The following AUH variants were observed in gnomAD, a reference collection of about 807,000 sequenced individuals.
The protein encoded by AUH is AU RNA binding methylglutaconyl-CoA hydratase, also known as methylglutaconyl-CoA hydratase, mitochondrial.
AUH carries 29 observed loss-of-function variants against 42.3 expected under a neutral mutation model. The observed-to-expected ratio is 0.69, with a 90% CI of 0.51 to 0.93. AUH has a LOEUF of 0.93. AUH is among the 40% of genes least tolerant of loss of function. The pLI is 0.00. For synonymous variants in AUH, 174 were observed against 166.4 expected (o/e 1.05, Z -0.35); for missense variants, 452 against 438.1 (o/e 1.03, Z -0.28).
At chr9:91,224,418 C>T (rs1827316590) in intron 6 of AUH, among the ~76,000 whole-genome samples, 1 of 152,162 alleles carries the variant, frequency 6.6e-6, no homozygotes, top group Non-Finnish European at 1.5e-5. Context: ...TGCCTTTTCA[C>T]TCTGTTGATA....
chr9:91,351,561 T>C (rs1004780095), intron 3 of AUH, among the ~76,000 whole-genome samples: 6 of 152,218 alleles, frequency 3.9e-5, no homozygotes, highest in African/African-American at 1.4e-4. Context: ...CTAGATGGTA[T>C]AGGCCAGGGG....
At position 91,296,092 on chromosome 9, in the gene AUH, A is replaced by G; in HGVS notation, c.599-15T>C. 2 of 1,613,314 alleles carry G rather than the reference A, an allele frequency of 1.2e-6. No individual in the cohort carries two copies. On this transcript the variant is annotated splice_polypyrimidine_tract_variant and intron_variant, in intron 5 of 9. Transcript: ENST00000375731. ...TGCAGAGGAAGCTAAAACGAAAGAA[A>G]GAAAATTAAGTATCATCCATATCAT... is the stretch of plus-strand genomic sequence containing the variant.
intron 4 of AUH, among the ~76,000 whole-genome samples, chr9:91,299,311 T>TC (rs1827599894): frequency 6.6e-6 from 1 of 152,192 alleles, no homozygotes; most frequent in South Asian, 2.1e-4. Flanking sequence ...AGAGGCTCAC[T>TC]CCTTGACTCC....
chr9:91,308,791 CTTTT>C (rs201772761), intron 4 of AUH, among the ~76,000 whole-genome samples: 104 of 136,384 alleles, frequency 7.6e-4, no homozygotes, highest in African/African-American at 2.6e-3. Flanking sequence ...TTAAGCAATT[CTTTT>C]TTTTTTTTTT....
intron 4 of AUH, among the ~76,000 whole-genome samples, chr9:91,318,684 C>A (rs997752091): frequency 3.3e-5 from 5 of 152,176 alleles, no homozygotes; most frequent in Non-Finnish European, 7.4e-5. Flanking sequence ...ATGGTTGGGC[C>A]CAAGATGGTG....
chr9:91,298,150 TTC>T (rs1191602369), intron 4 of AUH, 74 bp from the exon 5 acceptor site: 31 of 1,224,762 alleles, frequency 2.5e-5, no homozygotes, highest in Non-Finnish European at 3.7e-5. Flanking sequence ...TTTAATTTTT[TTC>T]TGTGAATTTA....
In AUH at chr9:91,290,035, T is replaced by C. The variant is rs927925699; in HGVS notation, c.655+5986A>G. ...CTGATTTTCATTTACATTAAAAAATTCAAAGCTACATAACATTTTATGAGC... is the reference window on the plus strand; with the variant it reads ...CTGATTTTCATTTACATTAAAAAATCCAAAGCTACATAACATTTTATGAGC... On this transcript the variant is annotated intron_variant, in intron 6 of 9. Transcript: ENST00000375731. Among the ~76,000 whole-genome samples, 5 of 152,150 alleles carry C rather than the reference T, an allele frequency of 3.3e-5. No individual in the cohort carries two copies. The East Asian group carries it at 9.6e-4, about 29-fold the overall frequency.
chr9:91,312,872 A>C (rs895336961), intron 4 of AUH, among the ~76,000 whole-genome samples: 2 of 152,228 alleles, frequency 1.3e-5, no homozygotes, highest in Non-Finnish European at 1.5e-5. Context: ...TCAAAGACAA[A>C]AATCTAACAA....
chr9:91,249,062 C>T (rs1828960617), intron 6 of AUH, among the ~76,000 whole-genome samples: 1 of 151,858 alleles, frequency 6.6e-6, no homozygotes, highest in African/African-American at 2.4e-5. Flanking sequence ...TCTGGGAGGC[C>T]AAGGTGGGCA....
At chr9:91,224,513 G>C (rs1213416168) in intron 6 of AUH, among the ~76,000 whole-genome samples, 1 of 152,096 alleles carries the variant, frequency 6.6e-6, no homozygotes, top group Non-Finnish European at 1.5e-5. Context: ...TCATATCCAA[G>C]AAATTATTGC....
At chr9:91,315,888 CACA>C (rs1378847708) in intron 4 of AUH, among the ~76,000 whole-genome samples, 3 of 152,106 alleles carry the variant, frequency 2.0e-5, no homozygotes, top group Non-Finnish European at 4.4e-5. Flanking sequence ...GATTTTATTA[CACA>C]CTTACACATC....
chr9:91,227,986 T>C (rs1487873629), intron 6 of AUH, among the ~76,000 whole-genome samples: 2 of 152,166 alleles, frequency 1.3e-5, no homozygotes, highest in Admixed American at 1.3e-4. Context: ...TGCATCCATG[T>C]TCATCAAGGA....
chr9:91,298,067 G>A lies in AUH; in HGVS notation c.515C>T (p.Pro172Leu). The change falls in exon 5 of 10, where the codon CCA becomes CTA. Residue 172 changes from proline to leucine, a missense_variant. Pro to Leu is a moderately conservative substitution (Grantham distance 98). Coordinates refer to ENST00000375731, the MANE Select transcript of AUH (RefSeq NM_001698.3). The part of the protein sequence containing the change: ...RAVINDIANL[P>L]VPTIAAIDGL... The stretch of plus-strand genomic sequence containing the variant: ...ATCTATTGCTGCAATTGTTGGTACT[G>A]GAAGATTAGCTGAAATGGAAAGAAA... 1 of 1,613,352 alleles carries A rather than the reference G, an allele frequency of 6.2e-7. No homozygotes were observed. The highest frequency in any genetic ancestry group is 8.5e-7 in the Non-Finnish European group (1 of 1,179,374).
intron 6 of AUH, among the ~76,000 whole-genome samples, chr9:91,276,676 G>C (rs1587747660): frequency 1.3e-5 from 2 of 151,918 alleles, no homozygotes; most frequent in African/African-American, 4.8e-5. Context: ...TTTTAAAAAA[G>C]GATCTTTATG....
intron 3 of AUH, among the ~76,000 whole-genome samples, chr9:91,347,931 A>G (rs1831651267): frequency 6.6e-6 from 1 of 151,998 alleles, no homozygotes; most frequent in Non-Finnish European, 1.5e-5. Context: ...AAAAGAAACA[A>G]TATGTAAATT....
chr9:91,297,845 C>T, intron 5 of AUH, 139 bp downstream of exon 5: 1 of 737,662 alleles, frequency 1.4e-6, no homozygotes, highest in Non-Finnish European at 2.2e-6. Context: ...ATTTCGAAAA[C>T]ACCATTAGGA....
rs911479499 is a variant in AUH, at chr9:91,214,049, T to C, written c.*299A>G. On this transcript the variant is annotated 3_prime_UTR_variant, in exon 10 of 10. Coordinates refer to ENST00000375731, the MANE Select transcript of AUH (RefSeq NM_001698.3). The stretch of plus-strand genomic sequence containing the variant: ...CCTAGAATGTGCAATATATAAATTA[T>C]TCACATTAAAAAATTAACAGAAAGC... 9 of 311,824 alleles carry C rather than the reference T, an allele frequency of 2.9e-5. No individual in the cohort carries two copies. Among genetic ancestry groups the C allele is most frequent in the African/African-American group, 1.9e-4 (9 of 46,978 alleles). 19.3% of individuals were successfully genotyped at this position (311,824 alleles called of 1,614,324 possible). A position where few individuals can be genotyped will look rare whatever the true frequency, so the allele number is the denominator to read the frequency against.
chr9:91,294,201 T>C (rs1304191273), intron 6 of AUH, among the ~76,000 whole-genome samples: 1 of 152,202 alleles, frequency 6.6e-6, no homozygotes, highest in Non-Finnish European at 1.5e-5. Flanking sequence ...CCTGATAACA[T>C]AACAGCCATT....
chr9:91,221,073 T>C, intron 6 of AUH, 81 bp from the exon 7 acceptor site: 1 of 1,492,200 alleles, frequency 6.7e-7, no homozygotes, highest in Non-Finnish European at 9.3e-7. Flanking sequence ...TCTTCATTTA[T>C]AAAAATAAAC....
Sources: gnomAD v4.1 joint callset for allele counts (sites outside exome capture counted in the v4.1 genomes callset) on GRCh38, gnomAD v4.1.1 for gene constraint, MANE v1.5 for transcripts, NCBI Gene and HGNC (gene_info 2026-07-23, HGNC 2026-07-21) for gene names.